Variants in MYO1E observed in about 807,000 individuals in gnomAD.
The protein encoded by MYO1E is unconventional myosin-Ie.
MYO1E carries 68 observed loss-of-function variants against 151.1 expected under a neutral mutation model. The ratio of observed to expected loss-of-function variants is 0.45; its 90% CI spans 0.37 to 0.55. The LOEUF (loss-of-function observed/expected upper bound fraction) is 0.55. Among genes scored for constraint, MYO1E ranks in the 20% least tolerant of loss-of-function variants. The pLI is 0.00. For missense variants in MYO1E, 1,363 were observed against 1,389.3 expected (o/e 0.98, Z 0.30); for synonymous variants, 601 against 501.7 (o/e 1.20, Z -2.64).
At chr15:59,279,350 T>C (rs1463678514) in intron 1 of MYO1E, among the ~76,000 whole-genome samples, 1 of 152,134 alleles carries the variant, frequency 6.6e-6, no homozygotes, top group Non-Finnish European at 1.5e-5. Flanking sequence ...TAATGTATCA[T>C]TCAGCCCGGG....
At chr15:59,226,441 T>C (rs1309090829) in intron 7 of MYO1E, among the ~76,000 whole-genome samples, 1 of 152,166 alleles carries the variant, frequency 6.6e-6, no homozygotes, top group Admixed American at 6.5e-5. Context: ...TACTAATAAG[T>C]AAATAGAACA....
In MYO1E at chr15:59,134,059, G is replaced by C. The variant is rs2079358377; in HGVS notation, c.*3321C>G. 1 of 152,286 alleles carries C rather than the reference G, an allele frequency of 6.6e-6. No individual in the cohort carries two copies. Among genetic ancestry groups the C allele is most frequent in the Admixed American group, 6.5e-5 (1 of 15,288 alleles). The allele number at this position is 152,286 out of a possible 1,614,324, so 9.4% of individuals were successfully genotyped here. The stretch of plus-strand genomic sequence containing the variant: ...TCTGGTGCTCTGGGTAAGCTGCTGA[G>C]ACAGCTCTGTGCAGAGACCTCCAGC... On this transcript the variant is annotated 3_prime_UTR_variant, in exon 28 of 28. Coordinates refer to ENST00000288235, the MANE Select transcript of MYO1E (RefSeq NM_004998.4).
intron 18 of MYO1E, among the ~76,000 whole-genome samples, 195 bp downstream of exon 18, chr15:59,187,923 G>GT (rs2079708421): frequency 6.6e-6 from 1 of 152,206 alleles, no homozygotes; most frequent in Non-Finnish European, 1.5e-5. Context: ...AGAATTGGAG[G>GT]TTGACAACAA....
intron 1 of MYO1E, among the ~76,000 whole-genome samples, chr15:59,351,121 G>A (rs112642756): frequency 2.0e-5 from 3 of 152,038 alleles, no homozygotes; most frequent in East Asian, 3.9e-4. Context: ...GGATGGTCTC[G>A]ATCTCCCGAC....
intron 26 of MYO1E, among the ~76,000 whole-genome samples, chr15:59,147,364 C>A (rs1201229163): frequency 4.6e-5 from 7 of 152,080 alleles, no homozygotes; most frequent in Non-Finnish European, 1.0e-4. Flanking sequence ...GTTTGGGAGG[C>A]TGAGGTGGGC....
At chr15:59,328,916 G>C (rs1279236558) in intron 1 of MYO1E, among the ~76,000 whole-genome samples, 1 of 152,118 alleles carries the variant, frequency 6.6e-6, no homozygotes, top group Non-Finnish European at 1.5e-5. Flanking sequence ...TTACAGACAA[G>C]GAAACTAGTT....
At position 59,132,841 on chromosome 15, in the gene MYO1E, T is replaced by G. The variant is rs527321073; in HGVS notation, c.*4539A>C. ...AAGATACTTGAACATAGCTGTTAAT[T>G]ATTTTAAAGAGAAGGTTAATGGTCT... On this transcript the variant is annotated 3_prime_UTR_variant, in exon 28 of 28. Transcript: ENST00000288235. The G allele has an allele frequency of 1.7e-4, 26 of 152,330 alleles. No individual in the cohort carries two copies. Among genetic ancestry groups the G allele is most frequent in the Admixed American group, 7.8e-4 (12 of 15,304 alleles). 9.4% of individuals were successfully genotyped at this position (152,330 alleles called of 1,614,324 possible).
intron 1 of MYO1E, among the ~76,000 whole-genome samples, chr15:59,360,971 G>A (rs907324815): frequency 6.6e-6 from 1 of 152,236 alleles, no homozygotes; most frequent in Non-Finnish European, 1.5e-5. Context: ...AGCCAATGGG[G>A]ATAATAGCAA....
chr15:59,322,927 C>A (rs1400425685), intron 1 of MYO1E, among the ~76,000 whole-genome samples: 1 of 150,748 alleles, frequency 6.6e-6, no homozygotes, highest in Non-Finnish European at 1.5e-5. Flanking sequence ...TTTGGGAGGA[C>A]GAGGTGGGCG....
chr15:59,352,919 C>T (rs2080831719), intron 1 of MYO1E, among the ~76,000 whole-genome samples: 1 of 152,174 alleles, frequency 6.6e-6, no homozygotes, highest in Non-Finnish European at 1.5e-5. Flanking sequence ...CCGAAAACAG[C>T]ATTATCCTGT....
At chr15:59,303,237 C>T (rs2080493549) in intron 1 of MYO1E, among the ~76,000 whole-genome samples, 1 of 152,150 alleles carries the variant, frequency 6.6e-6, no homozygotes, top group Non-Finnish European at 1.5e-5. Context: ...CGTGGCGAAA[C>T]CCTGTCTCTA....
intron 26 of MYO1E, among the ~76,000 whole-genome samples, chr15:59,146,364 G>A (rs1322575886): frequency 6.6e-5 from 10 of 152,008 alleles, no homozygotes; most frequent in Non-Finnish European, 1.0e-4. Flanking sequence ...TCACTTGGCC[G>A]GAGTGCAGTG....
At chr15:59,151,743 T>G (rs2079480901) in intron 26 of MYO1E, among the ~76,000 whole-genome samples, 1 of 151,854 alleles carries the variant, frequency 6.6e-6, no homozygotes, top group Admixed American at 6.6e-5. Context: ...CGAAACCCTG[T>G]CTCTACTAAA....
intron 18 of MYO1E, among the ~76,000 whole-genome samples, chr15:59,183,513 T>TG (rs1566972787): frequency 2.6e-5 from 4 of 152,080 alleles, no homozygotes; most frequent in Non-Finnish European, 4.4e-5. Flanking sequence ...TAAGTTTTTT[T>TG]TGGGGGGTGG....
chr15:59,163,401 G>A lies in MYO1E; in HGVS notation c.2481-98C>T, dbSNP rs1039542999. On this transcript the variant is annotated intron_variant, in intron 22 of 27. Transcript: ENST00000288235. ...CATTTTAAAAATCCTGCAAGATAGT[G>A]CTAAGATTTTACAGTCTTTCTTTCT... The A allele has an allele frequency of 5.4e-5, 67 of 1,251,032 alleles. No individual in the cohort carries two copies. The African/African-American group carries it at 9.2e-4, about 17-fold the overall frequency. The allele number at this position is 1,251,032 out of a possible 1,614,324, so 77.5% of individuals were successfully genotyped here.
chr15:59,320,080 CAA>C (rs534908002), intron 1 of MYO1E, among the ~76,000 whole-genome samples: 1 of 151,892 alleles, frequency 6.6e-6, no homozygotes, highest in Non-Finnish European at 1.5e-5. Flanking sequence ...TTGACAATAG[CAA>C]AAAAACTAAA....
At position 59,217,990 on chromosome 15, in the gene MYO1E, G is replaced by A. The variant is rs2230155; in HGVS notation, c.1008C>T (p.Ser336=). 580,154 of 1,613,876 alleles carry A rather than the reference G, an allele frequency of 0.36. 112,209 individuals carry two copies. The highest frequency in any genetic ancestry group is 0.7 in the East Asian group (31,589 of 44,864). Residue 336 remains serine, a synonymous_variant, in exon 10 of 28, where the codon TCC becomes TCT. Transcript: ENST00000288235. ...RQMDSKWGGK[S]ESIHVTLNVE... is the part of the protein sequence containing the mutation. The stretch of plus-strand genomic sequence containing the variant: ...CGTTGAGGGTCACGTGGATGGATTC[G>A]GATTTGCCTCCCCACTTGCTATCCA...
chr15:59,216,991 G>T (rs2079922813), intron 10 of MYO1E, among the ~76,000 whole-genome samples: 1 of 151,930 alleles, frequency 6.6e-6, no homozygotes, highest in Non-Finnish European at 1.5e-5. Flanking sequence ...GATATTCAAG[G>T]AGAGGTCCAT....
chr15:59,262,973 T>TAA (rs2080232888), intron 2 of MYO1E, among the ~76,000 whole-genome samples: 1 of 152,112 alleles, frequency 6.6e-6, no homozygotes, highest in African/African-American at 2.4e-5. Context: ...AGAATATATA[T>TAA]AACTTCTTGA....
Sources: gnomAD v4.1 joint callset for allele counts (sites outside exome capture counted in the v4.1 genomes callset) on GRCh38, gnomAD v4.1.1 for gene constraint, MANE v1.5 for transcripts, NCBI Gene and HGNC (gene_info 2026-07-23, HGNC 2026-07-21) for gene names.